The following PCDHGA4 variants were observed in gnomAD, a reference collection of about 807,000 sequenced individuals.
PCDHGA4 encodes protocadherin gamma-A4.
PCDHGA4 carries 38 observed loss-of-function variants against 54.6 expected under a neutral mutation model. The ratio of observed to expected loss-of-function variants is 0.70; its 90% CI spans 0.54 to 0.91. The LOEUF (loss-of-function observed/expected upper bound fraction) is 0.91. Ranked by LOEUF, PCDHGA4 falls within the 40% of genes least tolerant of loss-of-function variation. The pLI is 0.00. For synonymous variants in PCDHGA4, 511 were observed against 512.9 expected (o/e 1.00, Z 0.05); for missense variants, 1,298 against 1,220.9 (o/e 1.06, Z -0.94).
chr5:141,483,538 G>C (rs571240759), intron 1 of PCDHGA4, among the ~76,000 whole-genome samples: 1 of 152,230 alleles, frequency 6.6e-6, no homozygotes, highest in African/African-American at 2.4e-5. Flanking sequence ...AAGCTGGGTG[G>C]TTGACAGTGC....
rs1316573600 is a variant in PCDHGA4 at position 141,490,443 on chromosome 5, G to A, written c.2515-4364G>A. The A allele has an allele frequency of 1.2e-6, 2 of 1,614,174 alleles. No individual in the cohort carries two copies. Among genetic ancestry groups the A allele is most frequent in the Non-Finnish European group, 8.5e-7 (1 of 1,180,042 alleles). On this transcript the variant is annotated intron_variant, in intron 1 of 3. Coordinates refer to ENST00000571252, the MANE Select transcript of PCDHGA4 (RefSeq NM_018917.4). The surrounding 1 kb of genome is among the most constrained non-coding windows in gnomAD (Gnocchi z 5.4). ...TGCCATTTCAGATTAAGCCTTCTGA[G>A]AACCACTACTCGCTGCTAACCAGCC...
intron 1 of PCDHGA4, chr5:141,388,833 T>G (rs761698912): frequency 6.2e-7 from 1 of 1,613,838 alleles, no homozygotes; most frequent in Non-Finnish European, 8.5e-7. Context: ...TTCCATAGTT[T>G]TGGAAGCAAG....
At chr5:141,418,654 G>C (rs2096278227) in intron 1 of PCDHGA4, 1 of 1,614,016 alleles carries the variant, frequency 6.2e-7, no homozygotes, top group African/African-American at 1.3e-5. Context: ...TGAGAGTGAA[G>C]GCCACTGACC....
chr5:141,415,764 T>G lies in PCDHGA4; in HGVS notation c.2514+58143T>G, dbSNP rs1158166352. The G allele has an allele frequency of 5.0e-6, 7 of 1,391,674 alleles. No homozygotes were observed. The African/African-American group carries it at 7.5e-5, about 15-fold the overall frequency. 86.2% of individuals were successfully genotyped at this position (1,391,674 alleles called of 1,614,324 possible). Reference sequence around the variant, plus strand: ...GGTTTTTTTTTTTTTTTTTTTTTTTTTTTTTTTTACTTTCTGGTAAAATTC... The same window carrying G: ...GGTTTTTTTTTTTTTTTTTTTTTTTGTTTTTTTTACTTTCTGGTAAAATTC... On this transcript the variant is annotated intron_variant, in intron 1 of 3. Coordinates refer to ENST00000571252, the MANE Select transcript of PCDHGA4 (RefSeq NM_018917.4).
At chr5:141,389,283 G>C in intron 1 of PCDHGA4, 1 of 1,614,022 alleles carries the variant, frequency 6.2e-7, no homozygotes. Flanking sequence ...CCCGCCTGGA[G>C]CCTCTATTTC....
intron 1 of PCDHGA4, chr5:141,475,984 G>T: frequency 1.9e-6 from 2 of 1,069,308 alleles, no homozygotes; most frequent in South Asian, 3.1e-5. Context: ...AACAGCCGGC[G>T]AGCAAATCAA....
At position 141,365,186 on chromosome 5, in the gene PCDHGA4, G is replaced by A. The variant is rs775485996; in HGVS notation, c.2514+7565G>A. ...GACCTACTCTTTTCGCAATGAAGAA[G>A]AAAAAATTTCGGAGACTTTCCAACT... On this transcript the variant is annotated intron_variant, in intron 1 of 3. Transcript: ENST00000571252. 8.1e-6 allele frequency: 13 copies of A among 1,613,880 alleles called. 1 individual carries two copies. In the South Asian group the frequency reaches 1.1e-4, roughly 14 times the overall value.
intron 1 of PCDHGA4, among the ~76,000 whole-genome samples, chr5:141,469,484 A>AGAATCGCT (rs1279677032): frequency 6.6e-6 from 1 of 152,074 alleles, no homozygotes; most frequent in African/African-American, 2.4e-5. Flanking sequence ...CTGAGGCAGG[A>AGAATCGCT]GAATCGCTTG....
chr5:141,439,445 G>T (rs1030957687), intron 1 of PCDHGA4, among the ~76,000 whole-genome samples: 1 of 152,102 alleles, frequency 6.6e-6, no homozygotes, highest in Non-Finnish European at 1.5e-5. Context: ...ATTTTATTGC[G>T]GGAGCAAGAC....
At chr5:141,508,033 C>A (rs1596123382) in intron 3 of PCDHGA4, 1 of 152,290 alleles carries the variant, frequency 6.6e-6, no homozygotes, top group Non-Finnish European at 1.5e-5. Flanking sequence ...GTTTGCAGCT[C>A]AGCCAGCTGT....
chr5:141,484,004 G>C (rs1042457090), intron 1 of PCDHGA4, among the ~76,000 whole-genome samples: 5 of 146,164 alleles, frequency 3.4e-5, no homozygotes, highest in Non-Finnish European at 4.5e-5. Flanking sequence ...AGGTCTGGAT[G>C]AGGGTGGGGG....
At chr5:141,380,929 C>T (rs1385655578) in intron 1 of PCDHGA4, among the ~76,000 whole-genome samples, 1 of 152,234 alleles carries the variant, frequency 6.6e-6, no homozygotes, top group East Asian at 1.9e-4. Flanking sequence ...AATAATCATA[C>T]ACTTTGCTTG....
chr5:141,445,334 A>G (rs1337991795), intron 1 of PCDHGA4, among the ~76,000 whole-genome samples: 1 of 152,224 alleles, frequency 6.6e-6, no homozygotes, highest in African/African-American at 2.4e-5. Context: ...ATCCAGAAAC[A>G]GTAAACATTG....
At position 141,431,337 on chromosome 5, in the gene PCDHGA4, A is replaced by C. The variant is rs1412811147; in HGVS notation, c.2515-63470A>C. On this transcript the variant is annotated intron_variant, in intron 1 of 3. Coordinates refer to ENST00000571252, the MANE Select transcript of PCDHGA4 (RefSeq NM_018917.4). The surrounding 1 kb of genome is among the most constrained non-coding windows in gnomAD (Gnocchi z 4.8). ...GGAGCCGACGGTAGTAAGTACCCCG[A>C]ATTGGTGCTGAAACGCGCCCTGGAC... 6.2e-7 allele frequency: 1 copy of C among 1,613,926 alleles called. No homozygotes were observed. The highest frequency in any genetic ancestry group is 1.7e-5 in the Admixed American group (1 of 60,006).
chr5:141,365,527 T>A lies in PCDHGA4; in HGVS notation c.2514+7906T>A, dbSNP rs746233500. 2.5e-6 allele frequency: 4 copies of A among 1,613,866 alleles called. No homozygotes were observed. The Admixed American group carries it at 6.7e-5, about 27-fold the overall frequency. On this transcript the variant is annotated intron_variant, in intron 1 of 3. Coordinates refer to ENST00000571252, the MANE Select transcript of PCDHGA4 (RefSeq NM_018917.4). ...CTTTTAAATTGGAGAAGTCAGTTGA[T>A]AATTACTATCACCTATTAACAACTA...
At chr5:141,393,218 C>G (rs1157907229) in intron 1 of PCDHGA4, 2 of 1,613,598 alleles carry the variant, frequency 1.2e-6, no homozygotes, top group Admixed American at 3.3e-5. Flanking sequence ...AATTCCAGGT[C>G]GAAGATCTAG....
rs1403789987 is a variant in PCDHGA4 at position 141,511,845 on chromosome 5, T to C, written c.*672T>C. The C allele has an allele frequency of 6.4e-6, 1 of 156,740 alleles. No individual in the cohort carries two copies. The highest frequency in any genetic ancestry group is 1.4e-5 in the Non-Finnish European group (1 of 70,694). 9.7% of individuals were successfully genotyped at this position (156,740 alleles called of 1,614,324 possible). A position where few individuals can be genotyped will look rare whatever the true frequency, so the allele number is the denominator to read the frequency against. On this transcript the variant is annotated 3_prime_UTR_variant, in exon 4 of 4. Transcript: ENST00000571252. ...AACGCCCTGGGGACCAGTCTTCTGT[T>C]TTGTTTTTCATTGTTTGACGTTTCC...
intron 1 of PCDHGA4, chr5:141,428,181 AG>A (rs776102500): frequency 6.7e-7 from 1 of 1,486,230 alleles, no homozygotes; most frequent in Admixed American, 1.8e-5. Context: ...GACGGAGGAC[AG>A]CCGCCGCTCT....
At chr5:141,421,781 G>A (rs1482347889) in intron 1 of PCDHGA4, 1 of 1,613,856 alleles carries the variant, frequency 6.2e-7, no homozygotes, top group Non-Finnish European at 8.5e-7. Context: ...CAACTGCGGG[G>A]CAGAACGGAT....
Sources: gnomAD v4.1 joint callset for allele counts (sites outside exome capture counted in the v4.1 genomes callset) on GRCh38, gnomAD v4.1.1 for gene constraint, Gnocchi (gnomAD v3.1) non-coding constraint, MANE v1.5 for transcripts, NCBI Gene and HGNC (gene_info 2026-07-23, HGNC 2026-07-21) for gene names.